Variants in CHPF2 observed in about 807,000 individuals in gnomAD.
CHPF2 encodes the protein chondroitin polymerizing factor 2, also known as chondroitin polymerizing factor 2, non-catalytic subunit.
Under a neutral mutation model 63.0 loss-of-function variants are expected in CHPF2, and 58 were observed. That is an observed-to-expected ratio of 0.92 (90% CI 0.75 to 1.15). The LOEUF (loss-of-function observed/expected upper bound fraction) is 1.15. Among genes scored for constraint, CHPF2 ranks in the 50% most tolerant of loss-of-function variants. CHPF2 has a pLI of 0.00. For synonymous variants in CHPF2, 442 were observed against 438.0 expected (o/e 1.01, Z -0.11); for missense variants, 1,045 against 1,035.4 (o/e 1.01, Z -0.13).
chr7:151,237,630 G>A lies in CHPF2; in HGVS notation c.1268G>A (p.Arg423His), dbSNP rs144560767. 25 of 1,613,206 alleles carry A rather than the reference G, an allele frequency of 1.5e-5. No individual in the cohort carries two copies. The highest frequency in any genetic ancestry group is 6.6e-5 in the South Asian group (6 of 91,090). Residue 423 changes from arginine (R) to histidine (H), a missense_variant, in exon 4 of 4, where the codon CGC becomes CAC. By Grantham distance (29) the Arg-to-His change is conservative (BLOSUM62 0). Transcript: ENST00000035307. ...AATCGGCGCTATCAGCCCCGCCTGCGCTTCCAGAAGCAGCGACTGCTCAAC... is the reference window on the plus strand; with the variant it reads ...AATCGGCGCTATCAGCCCCGCCTGCACTTCCAGAAGCAGCGACTGCTCAAC... ...QLNRRYQPRL[R>H]FQKQRLLNGY... is the part of the protein sequence containing the mutation.
At chr7:151,236,373 G>A (rs923983836) in intron 2 of CHPF2, 35 bp from the exon 3 acceptor site, 3 of 1,530,004 alleles carry the variant, frequency 2.0e-6, no homozygotes, top group Non-Finnish European at 2.7e-6. Context: ...GGCAGCTCTT[G>A]TGTGTGTCAT....
chr7:151,237,234 G>T, intron 3 of CHPF2, 140 bp from the exon 4 acceptor site: 3 of 629,142 alleles, frequency 4.8e-6, no homozygotes, highest in Non-Finnish European at 5.6e-6. Flanking sequence ...AAGGGATTCA[G>T]TGATTAGCAA....
At position 151,238,413 on chromosome 7, in the gene CHPF2, C is replaced by T. The variant is rs1461363397; in HGVS notation, c.2051C>T (p.Ala684Val). 2 of 1,596,934 alleles carry T rather than the reference C, an allele frequency of 1.3e-6. No homozygotes were observed. Among genetic ancestry groups the T allele is most frequent in the Non-Finnish European group, 1.7e-6 (2 of 1,170,512 alleles). ...AACGCTGACTACCTGGCGGCCCGAG[C>T]CCGGCTGGCAGGTGAACTGGCAGGC... ...FYNADYLAAR[A>V]RLAGELAGQE... Residue 684 changes from alanine to valine, a missense_variant, in exon 4 of 4, where the codon GCC becomes GTC. Physicochemically the swap from Ala to Val is moderately conservative, Grantham distance 64. Transcript: ENST00000035307.
At chr7:151,234,946 C>A in intron 1 of CHPF2, 102 bp from the exon 2 acceptor site, 3 of 888,834 alleles carry the variant, frequency 3.4e-6, no homozygotes, top group South Asian at 1.8e-5. Flanking sequence ...AAGTTTCTCC[C>A]TTCTCAGCCC....
chr7:151,233,607 A>G lies in CHPF2; in HGVS notation c.-405A>G. ...ATCGTGTGCTTTTCCCTTACCTCTT[A>G]TCACTTGCTGTCATCTGTTGACTTA... On this transcript the variant is annotated 5_prime_UTR_variant, in exon 1 of 4. Transcript: ENST00000035307. 1.0e-6 allele frequency: 1 copy of G among 992,794 alleles called. No homozygotes were observed. The allele number at this position is 992,794 out of a possible 1,614,324, so 61.5% of individuals were successfully genotyped here. A position where few individuals can be genotyped will look rare whatever the true frequency, so the allele number is the denominator to read the frequency against.
chr7:151,234,933 A>G, intron 1 of CHPF2, 115 bp from the exon 2 acceptor site: 1 of 726,356 alleles, frequency 1.4e-6, no homozygotes. Context: ...TTGACAAGGA[A>G]GGAAGTTTCT....
intron 1 of CHPF2, 85 bp from the exon 2 acceptor site, chr7:151,234,963 A>G: frequency 9.2e-7 from 1 of 1,085,638 alleles, no homozygotes; most frequent in Non-Finnish European, 1.3e-6. Flanking sequence ...GCCCCAACTC[A>G]CTCCTAGAGG....
At chr7:151,235,743 C>T (rs917742982) in intron 2 of CHPF2, 131 bp downstream of exon 2, 20 of 864,446 alleles carry the variant, frequency 2.3e-5, no homozygotes, top group South Asian at 2.2e-4. Context: ...GTGGGCCCTC[C>T]GTTGCTCACC....
rs576255190 is a variant in CHPF2 at position 151,236,083 on chromosome 7, C to T, written c.829-325C>T. 3.3e-5 allele frequency among the ~76,000 whole-genome samples: 5 copies of T among 152,314 alleles called. No individual in the cohort carries two copies. In the South Asian group the frequency reaches 1.0e-3, roughly 32 times the overall value. On this transcript the variant is annotated intron_variant, in intron 2 of 3. Coordinates refer to ENST00000035307, the MANE Select transcript of CHPF2 (RefSeq NM_019015.3). The stretch of plus-strand genomic sequence containing the variant: ...TTGTGTCATTCATTCCCTTGAAGAA[C>T]AATGGGAATCTTTGGGGGAAGAAAG...
At position 151,232,593 on chromosome 7, in the gene CHPF2, G is replaced by A. The variant is rs1477939297; in HGVS notation, c.-1419G>A. 7 of 607,682 alleles carry A rather than the reference G, an allele frequency of 1.2e-5. No homozygotes were observed. Among genetic ancestry groups the A allele is most frequent in the South Asian group, 2.2e-5 (1 of 45,634 alleles). 37.6% of individuals were successfully genotyped at this position (607,682 alleles called of 1,614,324 possible). ...CCTTCCCCGTCCCTGCTCCCTGCCA[G>A]GCGCGTGCGGGACGCCGCTCTTGGT... On this transcript the variant is annotated 5_prime_UTR_variant, in exon 1 of 4. Transcript: ENST00000035307.
In CHPF2 at chr7:151,233,752, TG is replaced by T; in HGVS notation, c.-259del. The T allele has an allele frequency of 8.3e-7, 1 of 1,203,912 alleles. No individual in the cohort carries two copies. The highest frequency in any genetic ancestry group is 1.0e-6 in the Non-Finnish European group (1 of 970,300). The allele number at this position is 1,203,912 out of a possible 1,614,324, so 74.6% of individuals were successfully genotyped here. ...TAATCCCAGTGTGAGTGAAATTGAT[TG>T]TTTCATTTATTACCGTTTTGGCTGG... On this transcript the variant is annotated 5_prime_UTR_variant, in exon 1 of 4. Coordinates refer to ENST00000035307, the MANE Select transcript of CHPF2 (RefSeq NM_019015.3).
chr7:151,235,349 G>GC lies in CHPF2; in HGVS notation c.571dup (p.Arg191ProfsTer66). The GC allele has an allele frequency of 6.2e-7, 1 of 1,613,860 alleles. No homozygotes were observed. ...CATGCAGGATGACACATATGTGCAG[G>GC]CCCCCCGCCTGGCAGCCCTTGCTGG... On this transcript the variant is annotated frameshift_variant, in exon 2 of 4. Transcript: ENST00000035307. LOFTEE classifies it high-confidence loss of function.
chr7:151,238,212 C>T lies in CHPF2; in HGVS notation c.1850C>T (p.Ala617Val). 2 of 1,613,016 alleles carry T rather than the reference C, an allele frequency of 1.2e-6. No homozygotes were observed. Among genetic ancestry groups the T allele is most frequent in the South Asian group, 1.1e-5 (1 of 91,088 alleles). ...CRMNAISGWQ[A>V]FFPVHFQEFN... ...ATGAATGCCATCTCTGGCTGGCAGG[C>T]CTTCTTTCCAGTCCATTTCCAGGAG... The change falls in exon 4 of 4, where the codon GCC becomes GTC. Residue 617 changes from alanine (A) to valine (V), a missense_variant. Ala to Val is a moderately conservative substitution (Grantham distance 64). Transcript: ENST00000035307.
rs375493278 is a variant in CHPF2 at position 151,237,608 on chromosome 7, C to T, written c.1246C>T (p.Arg416Trp). 2.7e-5 allele frequency: 43 copies of T among 1,613,068 alleles called. No homozygotes were observed. The highest frequency in any genetic ancestry group is 2.5e-4 in the Admixed American group (15 of 60,018). The change falls in exon 4 of 4, where the codon CGG (arginine) becomes TGG (tryptophan). Residue 416 changes from arginine (R) to tryptophan (W), a missense_variant. Arg to Trp is a moderately radical substitution (Grantham distance 101). Coordinates refer to ENST00000035307, the MANE Select transcript of CHPF2 (RefSeq NM_019015.3). Reference sequence around the variant, plus strand: ...GGAGACTGCCCTGGAGCAGCTCAATCGGCGCTATCAGCCCCGCCTGCGCTT... The same window carrying T: ...GGAGACTGCCCTGGAGCAGCTCAATTGGCGCTATCAGCCCCGCCTGCGCTT... ...ALETALEQLN[R>W]RYQPRLRFQK...
Position 151,234,177 on chromosome 7 carries a change from G to A in CHPF2, c.166G>A (p.Asp56Asn). The A allele has an allele frequency of 1.2e-6, 2 of 1,613,854 alleles. No individual in the cohort carries two copies. The highest frequency in any genetic ancestry group is 1.7e-6 in the Non-Finnish European group (2 of 1,179,894). Reference protein sequence around the residue: ...VGERGGPQNPDSRARLDQSDE... With the variant: ...VGERGGPQNPNSRARLDQSDE... ...GGAGCGAGGAGGGCCACAGAATCCA[G>A]ATTCCAGAGCTCGGCTAGACCAAAG... The change falls in exon 1 of 4, where the codon GAT becomes AAT. Residue 56 changes from aspartate to asparagine, a missense_variant. Physicochemically the swap from Asp to Asn is conservative, Grantham distance 23. Coordinates refer to ENST00000035307, the MANE Select transcript of CHPF2 (RefSeq NM_019015.3).
Position 151,237,729 on chromosome 7 carries a change from G to T in CHPF2, c.1367G>T (p.Arg456Leu), listed in dbSNP as rs149808659. The T allele has an allele frequency of 6.2e-7, 1 of 1,612,816 alleles. No individual in the cohort carries two copies. The highest frequency in any genetic ancestry group is 8.5e-7 in the Non-Finnish European group (1 of 1,179,910). Residue 456 changes from arginine (R) to leucine (L), a missense_variant, in exon 4 of 4, where the codon CGT becomes CTT. Arg to Leu is a moderately radical substitution (Grantham distance 102). Coordinates refer to ENST00000035307, the MANE Select transcript of CHPF2 (RefSeq NM_019015.3). Reference protein sequence around the residue: ...LDLLLECVTQRGHRRALARRV... With the variant: ...LDLLLECVTQLGHRRALARRV... ...CTGCTGTTGGAATGTGTGACACAGC[G>T]TGGGCACCGGCGGGCCCTGGCTCGC... is the stretch of plus-strand genomic sequence containing the variant.
Position 151,237,596 on chromosome 7 carries a change from G to C in CHPF2, c.1234G>C (p.Glu412Gln). Residue 412 changes from glutamate to glutamine, a missense_variant, in exon 4 of 4, where the codon GAG becomes CAG. Glu to Gln is a conservative substitution (Grantham distance 29). Coordinates refer to ENST00000035307, the MANE Select transcript of CHPF2 (RefSeq NM_019015.3). ...GGGTGATGCGTTGGAGACTGCCCTG[G>C]AGCAGCTCAATCGGCGCTATCAGCC... ...DVGDALETAL[E>Q]QLNRRYQPRL... 1 of 1,613,546 alleles carries C rather than the reference G, an allele frequency of 6.2e-7. No homozygotes were observed. The highest frequency in any genetic ancestry group is 8.5e-7 in the Non-Finnish European group (1 of 1,179,996).
chr7:151,235,296 T>C lies in CHPF2; in HGVS notation c.512T>C (p.Phe171Ser), dbSNP rs776746591. ...ACCCTGCGCCACCTTCACACACACT[T>C]TGGGGCCGACTACGACTGGTTCTTC... ...SETLRHLHTH[F>S]GADYDWFFIM... Residue 171 changes from phenylalanine (F) to serine (S), a missense_variant, in exon 2 of 4, where the codon TTT (phenylalanine) becomes TCT (serine). Coordinates refer to ENST00000035307, the MANE Select transcript of CHPF2 (RefSeq NM_019015.3). 368 of 1,613,812 alleles carry C rather than the reference T, an allele frequency of 2.3e-4. No homozygotes were observed. The highest frequency in any genetic ancestry group is 2.8e-4 in the Non-Finnish European group (329 of 1,180,030).
chr7:151,238,514 C>T lies in CHPF2; in HGVS notation c.2152C>T (p.Arg718Trp), dbSNP rs747755752. ...FLRFSGLHLFRAVEPGLVQKF... is the reference protein window; with the variant it reads ...FLRFSGLHLFWAVEPGLVQKF... ...CCGGTTCTCAGGGCTCCACCTCTTT[C>T]GGGCCGTAGAGCCAGGGCTGGTGCA... The change falls in exon 4 of 4, where the codon CGG becomes TGG. Residue 718 changes from arginine to tryptophan, a missense_variant. Transcript: ENST00000035307. The T allele has an allele frequency of 2.1e-5, 34 of 1,602,870 alleles. No individual in the cohort carries two copies. The highest frequency in any genetic ancestry group is 1.8e-4 in the South Asian group (16 of 89,842).
Sources: allele counts gnomAD v4.1 joint callset (sites outside exome capture counted in the v4.1 genomes callset), GRCh38; gene constraint gnomAD v4.1.1; transcripts MANE v1.5; gene names NCBI Gene and HGNC (gene_info 2026-07-23, HGNC 2026-07-21).